TAF4: variants seen among roughly 807,000 people sequenced by gnomAD.
TAF4 encodes transcription initiation factor TFIID subunit 4.
A neutral mutation model predicts 90.3 loss-of-function variants in TAF4; 9 were observed. That is an observed-to-expected ratio of 0.10 (90% CI 0.06 to 0.17). TAF4 has a LOEUF of 0.17. TAF4 is among the 10% of genes least tolerant of loss of function. The pLI is 1.00. For synonymous variants in TAF4, 818 were observed against 638.9 expected (o/e 1.28, Z -4.23); for missense variants, 1,351 against 1,370.7 (o/e 0.99, Z 0.23).
intron 14 of TAF4, chr20:61,980,872 C>T (rs2123092662): frequency 6.5e-6 from 1 of 152,718 alleles, no homozygotes; most frequent in South Asian, 2.1e-4. Flanking sequence ...GGACAGGGGT[C>T]TGTGGGAAGC....
chr20:61,988,888 C>T (rs1450347323), intron 14 of TAF4, among the ~76,000 whole-genome samples: 3 of 152,170 alleles, frequency 2.0e-5, no homozygotes, highest in Non-Finnish European at 4.4e-5. Flanking sequence ...TCCCTAGAGG[C>T]TACTCCACAC....
At chr20:61,997,413 T>C in intron 14 of TAF4, 137 bp downstream of exon 14, 1 of 1,130,750 alleles carries the variant, frequency 8.8e-7, no homozygotes, top group Non-Finnish European at 1.2e-6. Flanking sequence ...GTAAAACAAA[T>C]ACTCCAGAAA....
chr20:62,034,907 G>A (rs572594894), intron 1 of TAF4, among the ~76,000 whole-genome samples: 5 of 151,110 alleles, frequency 3.3e-5, no homozygotes, highest in African/African-American at 1.2e-4. Context: ...TGCAAGCTCC[G>A]CCTCCCGGGT....
rs191023369 is a variant in TAF4, at chr20:62,021,906, C to T, written c.1361-7199G>A. 1.8e-3 allele frequency among the ~76,000 whole-genome samples: 270 copies of T among 152,254 alleles called. 2 individuals are homozygous for T. The highest frequency in any genetic ancestry group is 6.1e-3 in the African/African-American group (253 of 41,562). ...ACAGAGAGGCACTGTGTGCAGTGGC[C>T]GCTCTGTGAGTGAGTGCATCCCTGG... On this transcript the variant is annotated intron_variant, in intron 1 of 14. Coordinates refer to ENST00000252996, the MANE Select transcript of TAF4 (RefSeq NM_003185.4).
chr20:62,045,833 C>T (rs996553599), intron 1 of TAF4, among the ~76,000 whole-genome samples: 2 of 152,326 alleles, frequency 1.3e-5, no homozygotes, highest in East Asian at 1.9e-4. Flanking sequence ...ACAGAACTGA[C>T]GCTCGGGGTA....
chr20:61,991,463 G>T (rs2055631007), intron 14 of TAF4, among the ~76,000 whole-genome samples: 1 of 150,986 alleles, frequency 6.6e-6, no homozygotes, highest in Non-Finnish European at 1.5e-5. Flanking sequence ...GAGAAATTAG[G>T]CTGGACACAA....
chr20:62,016,652 G>A (rs1366179235), intron 1 of TAF4, among the ~76,000 whole-genome samples: 1 of 152,198 alleles, frequency 6.6e-6, no homozygotes, highest in Admixed American at 6.5e-5. Flanking sequence ...TGGCTTCCGG[G>A]CTCCTCAGGT....
At chr20:62,036,084 C>T (rs2055931165) in intron 1 of TAF4, among the ~76,000 whole-genome samples, 1 of 151,288 alleles carries the variant, frequency 6.6e-6, no homozygotes, top group African/African-American at 2.4e-5. Context: ...AGTGCAGTGG[C>T]GCAATCTCAG....
Position 62,065,578 on chromosome 20 carries a change from G to A in TAF4, c.233C>T (p.Pro78Leu), listed in dbSNP as rs1387546095. The A allele has an allele frequency of 1.0e-6, 1 of 980,384 alleles. No individual in the cohort carries two copies. The highest frequency in any genetic ancestry group is 1.2e-6 in the Non-Finnish European group (1 of 828,596). 60.7% of individuals were successfully genotyped at this position (980,384 alleles called of 1,614,324 possible). A position where few individuals can be genotyped will look rare whatever the true frequency, so the allele number is the denominator to read the frequency against. The change falls in exon 1 of 15, where the codon CCC becomes CTC. Residue 78 changes from proline (P) to leucine (L), a missense_variant. This residue lies in a region of TAF4 where 782 missense variants were observed against 536.6 expected (regional missense o/e 1.46). Coordinates refer to ENST00000252996, the MANE Select transcript of TAF4 (RefSeq NM_003185.4). Reference protein sequence around the residue: ...AGAAGAGPAAPAEGAPGAAPE... With the variant: ...AGAAGAGPAALAEGAPGAAPE... ...CGCCGCTCCGGGCGCGCCCTCGGCG[G>A]GGGCGGCCGGCCCTGCGCCCGCGGC...
intron 1 of TAF4, among the ~76,000 whole-genome samples, chr20:62,034,743 T>A (rs1037972523): frequency 6.6e-6 from 1 of 151,970 alleles, no homozygotes; most frequent in African/African-American, 2.4e-5. Flanking sequence ...AAAAGACACA[T>A]AAAACTTGAT....
Position 62,010,610 on chromosome 20 carries a change from C to A in TAF4, c.1642-445G>T, listed in dbSNP as rs1013758027. On this transcript the variant is annotated intron_variant, in intron 3 of 14. Coordinates refer to ENST00000252996, the MANE Select transcript of TAF4 (RefSeq NM_003185.4). The surrounding 1 kb of genome is among the most constrained non-coding windows in gnomAD (Gnocchi z 4.5). ...GAGGCTGGCTACAGGGCGGTCAGGG[C>A]TCCACAGCCGCAGCCTCCCATAGGG... 6.6e-6 allele frequency among the ~76,000 whole-genome samples: 1 copy of A among 152,174 alleles called. No individual in the cohort carries two copies. The highest frequency in any genetic ancestry group is 1.5e-5 in the Non-Finnish European group (1 of 68,046).
At chr20:62,037,171 G>A (rs1316481445) in intron 1 of TAF4, among the ~76,000 whole-genome samples, 1 of 105,650 alleles carries the variant, frequency 9.5e-6, no homozygotes, top group Non-Finnish European at 2.2e-5. Flanking sequence ...TGCGTCATGA[G>A]AGAAGACAGA....
intron 14 of TAF4, among the ~76,000 whole-genome samples, chr20:61,988,446 G>GT (rs1286645449): frequency 6.6e-6 from 1 of 152,074 alleles, no homozygotes; most frequent in Non-Finnish European, 1.5e-5. Flanking sequence ...TCATACCCAC[G>GT]TTTAACATGA....
At chr20:62,063,204 C>T (rs1187939286) in intron 1 of TAF4, among the ~76,000 whole-genome samples, 1 of 152,196 alleles carries the variant, frequency 6.6e-6, no homozygotes, top group Non-Finnish European at 1.5e-5. Context: ...CCCACCCCTG[C>T]CCTGTCCAGA....
rs562264464 is a variant in TAF4 at position 62,006,606 on chromosome 20, C to T, written c.2127G>A (p.Thr709=). ...GGAGGGCACTGGTCACGGTGGCCGC[C>T]GTCTTCCCGGCCGTGCGCTGGACCG... The part of the protein sequence containing the change: ...SSSVQRTAGK[T]AATVTSALQP... Residue 709 remains threonine (T), a synonymous_variant, in exon 7 of 15, where the codon ACG becomes ACA. Coordinates refer to ENST00000252996, the MANE Select transcript of TAF4 (RefSeq NM_003185.4). The surrounding 1 kb of genome is among the most constrained non-coding windows in gnomAD (Gnocchi z 7.0). 7.9e-5 allele frequency: 127 copies of T among 1,601,508 alleles called. No individual in the cohort carries two copies. Among genetic ancestry groups the T allele is most frequent in the Non-Finnish European group, 9.8e-5 (115 of 1,175,068 alleles).
chr20:62,017,363 G>T (rs1220644666), intron 1 of TAF4, among the ~76,000 whole-genome samples: 1 of 152,116 alleles, frequency 6.6e-6, no homozygotes, highest in South Asian at 2.1e-4. Context: ...CCAAGGCCAG[G>T]CACGGTGGCT....
chr20:61,990,492 T>C (rs2055624385), intron 14 of TAF4, among the ~76,000 whole-genome samples: 1 of 152,008 alleles, frequency 6.6e-6, no homozygotes, highest in African/African-American at 2.4e-5. Flanking sequence ...CTGATGAAGA[T>C]GAACCACAAG....
intron 14 of TAF4, among the ~76,000 whole-genome samples, chr20:61,996,105 A>G (rs1784300444): frequency 6.6e-6 from 1 of 152,196 alleles, no homozygotes; most frequent in Non-Finnish European, 1.5e-5. Context: ...TCTCAAAACA[A>G]AGATTGAAAG....
At chr20:62,028,248 A>C (rs560811891) in intron 1 of TAF4, among the ~76,000 whole-genome samples, 1 of 152,304 alleles carries the variant, frequency 6.6e-6, no homozygotes, top group East Asian at 1.9e-4. Flanking sequence ...GGCTTCTGGA[A>C]ACTCAAACAT....
Sources: allele counts gnomAD v4.1 joint callset (sites outside exome capture counted in the v4.1 genomes callset), GRCh38; gene constraint gnomAD v4.1.1; regional missense constraint gnomAD v4.1.1; non-coding constraint Gnocchi (gnomAD v3.1); transcripts MANE v1.5; gene names NCBI Gene and HGNC (gene_info 2026-07-23, HGNC 2026-07-21).